RYR2: variants seen among roughly 807,000 people sequenced by gnomAD.
The protein encoded by RYR2 is cardiac muscle ryanodine receptor-calcium release channel.
In RYR2, 227 loss-of-function variants were observed where a neutral mutation model predicts 601.1. The ratio of observed to expected loss-of-function variants is 0.38; its 90% CI spans 0.34 to 0.42. RYR2 has a LOEUF of 0.42. RYR2 is among the 10% of genes least tolerant of loss of function. RYR2 has a pLI of 1.00. For missense variants in RYR2, 4,646 were observed against 6,156.5 expected, an observed-to-expected ratio of 0.75 and a Z score of 8.21; for synonymous variants, 2,223 against 2,175.1, an observed-to-expected ratio of 1.02 and a Z score of -0.61.
At chr1:237,290,925 TTAAAGCTGCATTCAAA>T (rs1692121614) in intron 2 of RYR2, among the ~76,000 whole-genome samples, 1 of 152,190 alleles carries the variant, frequency 6.6e-6, no homozygotes, top group South Asian at 2.1e-4. Flanking sequence ...AATGCACAAA[TTAAAGCTGCATTCAAA>T]TTCTTGTGCA....
chr1:237,442,420 C>T (rs191585524), intron 13 of RYR2, among the ~76,000 whole-genome samples: 50 of 152,192 alleles, frequency 3.3e-4, no homozygotes, highest in African/African-American at 1.2e-3. Flanking sequence ...TTATAGTTAG[C>T]CAGATTTGCT....
chr1:237,706,977 T>G lies in RYR2; in HGVS notation c.9609T>G (p.Asp3203Glu). ...TCAGTTTGCCAACTAATGTGGAAGA[T>G]GTTTGTCCAAACATACCGTCTTTGG... ...AALSLPTNVE[D>E]VCPNIPSLEK... The change falls in exon 68 of 105, where the codon GAT becomes GAG. Residue 3203 changes from aspartate to glutamate, a missense_variant. By Grantham distance (45) the Asp-to-Glu change is conservative. Around this residue, in one of 17 missense-constraint regions of RYR2, gnomAD observed 1,497 missense variants for 1,842.6 expected, o/e 0.81. Coordinates refer to ENST00000366574, the MANE Select transcript of RYR2 (RefSeq NM_001035.3). 1 of 1,613,590 alleles carries G rather than the reference T, an allele frequency of 6.2e-7. No homozygotes were observed. Among genetic ancestry groups the G allele is most frequent in the Non-Finnish European group, 8.5e-7 (1 of 1,179,504 alleles).
chr1:237,456,298 C>T (rs766104342), intron 15 of RYR2, among the ~76,000 whole-genome samples: 1 of 152,254 alleles, frequency 6.6e-6, no homozygotes, highest in Non-Finnish European at 1.5e-5. Context: ...AGGATCTGCT[C>T]TTATGGTCAC....
intron 91 of RYR2, among the ~76,000 whole-genome samples, chr1:237,786,504 T>C (rs1657595890): frequency 1.3e-5 from 2 of 151,642 alleles, no homozygotes; most frequent in Admixed American, 6.6e-5. Flanking sequence ...CCCGGGAGAG[T>C]TGGTTAAAAC....
At chr1:237,751,019 G>A (rs1692493128) in intron 80 of RYR2, among the ~76,000 whole-genome samples, 1 of 152,184 alleles carries the variant, frequency 6.6e-6, no homozygotes, top group Non-Finnish European at 1.5e-5. Flanking sequence ...TTCTATAGTT[G>A]TGAGTTTTCA....
At chr1:237,091,674 C>T (rs1363089513) in intron 1 of RYR2, among the ~76,000 whole-genome samples, 1 of 152,232 alleles carries the variant, frequency 6.6e-6, no homozygotes, top group East Asian at 1.9e-4. Context: ...ATCCCCCCGC[C>T]TTGGCCTCCC....
intron 3 of RYR2, among the ~76,000 whole-genome samples, chr1:237,350,571 C>CAAAAAA (rs1167546068): frequency 1.5e-4 from 4 of 26,962 alleles, no homozygotes; most frequent in Non-Finnish European, 1.4e-4. Flanking sequence ...GACTCTGTCT[C>CAAAAAA]AAAAAAAAAA....
chr1:237,064,598 C>T (rs560293461), intron 1 of RYR2, among the ~76,000 whole-genome samples: 16 of 151,986 alleles, frequency 1.1e-4, no homozygotes, highest in Non-Finnish European at 2.1e-4. Context: ...TAATTTTATT[C>T]TGGTAGGTAG....
chr1:237,277,927 ATAT>A (rs1375890139), intron 2 of RYR2, among the ~76,000 whole-genome samples: 2 of 152,206 alleles, frequency 1.3e-5, no homozygotes, highest in African/African-American at 4.8e-5. Flanking sequence ...ATTTTTGATA[ATAT>A]TACTAATGTA....
At chr1:237,658,576 A>G (rs1683468529) in intron 54 of RYR2, among the ~76,000 whole-genome samples, 1 of 152,116 alleles carries the variant, frequency 6.6e-6, no homozygotes, top group Non-Finnish European at 1.5e-5. Flanking sequence ...TATTTTTTAT[A>G]GAGATGAGAT....
chr1:237,527,755 A>G (rs2147916396), intron 24 of RYR2, among the ~76,000 whole-genome samples: 1 of 152,084 alleles, frequency 6.6e-6, no homozygotes, highest in East Asian at 1.9e-4. Flanking sequence ...TTTTATTATA[A>G]TTCTTCAGTC....
chr1:237,315,158 CTT>C (rs1694984426), intron 2 of RYR2, among the ~76,000 whole-genome samples: 1 of 152,128 alleles, frequency 6.6e-6, no homozygotes, highest in African/African-American at 2.4e-5. Flanking sequence ...TCTTTCTCCT[CTT>C]TGTCCTTTGT....
intron 35 of RYR2, among the ~76,000 whole-genome samples, chr1:237,604,228 G>A (rs141141865): frequency 0.036 from 5,501 of 152,214 alleles, 181 homozygotes; most frequent in African/African-American, 0.088. Context: ...CTGTCTCTCA[G>A]ACCACAGTGC....
intron 2 of RYR2, among the ~76,000 whole-genome samples, chr1:237,283,139 G>A (rs928476173): frequency 5.3e-5 from 8 of 152,198 alleles, no homozygotes; most frequent in African/African-American, 1.4e-4. Flanking sequence ...TCACCTGAAG[G>A]AAGTCTCTTC....
chr1:237,573,307 C>CTG (rs1672893912), intron 29 of RYR2, among the ~76,000 whole-genome samples: 1 of 151,688 alleles, frequency 6.6e-6, no homozygotes, highest in South Asian at 2.1e-4. Context: ...CAGACACATG[C>CTG]TGTAGATCCC....
At chr1:237,333,582 A>T (rs1029013146) in intron 3 of RYR2, 1 of 455,872 alleles carries the variant, frequency 2.2e-6, no homozygotes, top group Non-Finnish European at 4.4e-6. Flanking sequence ...GATATTTTCC[A>T]CTTAACCATT....
At chr1:237,288,501 G>A (rs1392194152) in intron 2 of RYR2, among the ~76,000 whole-genome samples, 3 of 151,916 alleles carry the variant, frequency 2.0e-5, no homozygotes, top group African/African-American at 4.8e-5. Flanking sequence ...GCTCTCGGGG[G>A]TGGGGGTGAG....
intron 6 of RYR2, among the ~76,000 whole-genome samples, chr1:237,373,783 C>T (rs559404675): frequency 6.6e-6 from 1 of 152,296 alleles, no homozygotes; most frequent in South Asian, 2.1e-4. Context: ...CAATAAACCT[C>T]ATTTTAGTGC....
intron 27 of RYR2, among the ~76,000 whole-genome samples, chr1:237,563,424 A>C (rs1156626750): frequency 6.6e-6 from 1 of 150,594 alleles, no homozygotes; most frequent in East Asian, 1.9e-4. Context: ...AAAAAAAAAA[A>C]CACAAACAAA....
Sources: allele counts gnomAD v4.1 joint callset (sites outside exome capture counted in the v4.1 genomes callset), GRCh38; gene constraint gnomAD v4.1.1; regional missense constraint gnomAD v4.1.1; transcripts MANE v1.5; gene names NCBI Gene and HGNC (gene_info 2026-07-23, HGNC 2026-07-21).